The following CMYA5 variants were observed in gnomAD, a reference collection of about 807,000 sequenced individuals.
CMYA5 encodes the protein cardiomyopathy-associated protein 5.
In CMYA5, 246 loss-of-function variants were observed where a neutral mutation model predicts 318.9. The ratio of observed to expected loss-of-function variants is 0.77; its 90% CI spans 0.70 to 0.86. The LOEUF (loss-of-function observed/expected upper bound fraction) is 0.86, where lower values mean the gene tolerates loss of function less well. Among genes scored for constraint, CMYA5 ranks in the 40% least tolerant of loss-of-function variants. CMYA5 has a pLI of 0.00. For synonymous variants in CMYA5, 1,641 were observed against 1,729.5 expected (o/e 0.95, Z 1.27); for missense variants, 4,589 against 4,678.2 (o/e 0.98, Z 0.56).
rs781730738 is a variant in CMYA5 at position 79,730,639 on chromosome 5, C to G, written c.1874C>G (p.Ala625Gly). The G allele has an allele frequency of 6.2e-7, 1 of 1,613,916 alleles. No homozygotes were observed. Among genetic ancestry groups the G allele is most frequent in the Non-Finnish European group, 8.5e-7 (1 of 1,179,896 alleles). ...PVPPSNVEAI[A>G]EHAVLSEEEN... ...CCCCCATCCAATGTAGAAGCTATAG[C>G]TGAACATGCAGTTTTGTCAGAAGAA... The change falls in exon 2 of 13, where the codon GCT becomes GGT. Residue 625 changes from alanine to glycine, a missense_variant. Ala to Gly is a moderately conservative substitution (Grantham distance 60). Coordinates refer to ENST00000446378, the MANE Select transcript of CMYA5 (RefSeq NM_153610.5).
intron 12 of CMYA5, among the ~76,000 whole-genome samples, chr5:79,796,468 T>C (rs1372713747): frequency 6.6e-6 from 1 of 152,168 alleles, no homozygotes; most frequent in East Asian, 1.9e-4. Flanking sequence ...GGTGCAAACA[T>C]GGCTCCATGC....
rs780875875 is a variant in CMYA5, at chr5:79,736,370, G to A, written c.7605G>A (p.Lys2535=). ...CCAAAATCATTGTTGGTTCTGAAAA[G>A]GAGAAAGGTGAAGAAAAAGAAAATC... is the stretch of plus-strand genomic sequence containing the variant. The part of the protein sequence containing the change: ...ERPKIIVGSE[K]EKGEEKENQV... Residue 2535 remains lysine (K), a synonymous_variant, in exon 2 of 13, where the codon AAG becomes AAA. Coordinates refer to ENST00000446378, the MANE Select transcript of CMYA5 (RefSeq NM_153610.5). 4 of 1,613,008 alleles carry A rather than the reference G, an allele frequency of 2.5e-6. No individual in the cohort carries two copies. Among genetic ancestry groups the A allele is most frequent in the Non-Finnish European group, 3.4e-6 (4 of 1,179,558 alleles).
Position 79,747,055 on chromosome 5 carries a change from T to C in CMYA5, c.10969-36T>C, listed in dbSNP as rs575668673. The C allele has an allele frequency of 4.5e-5, 55 of 1,233,676 alleles. No individual in the cohort carries two copies. The African/African-American group carries it at 7.1e-4, about 16-fold the overall frequency. The allele number at this position is 1,233,676 out of a possible 1,614,324, so 76.4% of individuals were successfully genotyped here. The stretch of plus-strand genomic sequence containing the variant: ...CTCTCTTTCTCTCTCTCTTTTTCTC[T>C]CTTCTCCTCCTCCTTCCTCTCTCTT... On this transcript the variant is annotated intron_variant, in intron 4 of 12. Transcript: ENST00000446378.
chr5:79,788,997 A>G lies in CMYA5; in HGVS notation c.11582A>G (p.Gln3861Arg), dbSNP rs188337491. 91 of 1,613,872 alleles carry G rather than the reference A, an allele frequency of 5.6e-5. No homozygotes were observed. In the Admixed American group the frequency reaches 1.5e-3, roughly 27 times the overall value. The change falls in exon 10 of 13, where the codon CAG becomes CGG. Residue 3861 changes from glutamine (Q) to arginine (R), a missense_variant. By Grantham distance (43) the Gln-to-Arg change is conservative. Transcript: ENST00000446378. ...TCTTTCTCTGGAATCAAAGGACTCC[A>G]GCTGAAAGTTAACCTCCAACCCAAT... is the stretch of plus-strand genomic sequence containing the variant. ...LRSFSGIKGLQLKVNLQPNDN... is the reference protein window; with the variant it reads ...LRSFSGIKGLRLKVNLQPNDN...
intron 5 of CMYA5, among the ~76,000 whole-genome samples, chr5:79,749,796 G>A (rs1000242730): frequency 4.6e-5 from 7 of 152,134 alleles, no homozygotes; most frequent in African/African-American, 1.7e-4. Flanking sequence ...ATTAACTGTA[G>A]TAATACTGTA....
chr5:79,752,449 TAG>T (rs1828446960), intron 5 of CMYA5, among the ~76,000 whole-genome samples: 1 of 152,226 alleles, frequency 6.6e-6, no homozygotes, highest in Non-Finnish European at 1.5e-5. Flanking sequence ...TCTTTCTAAC[TAG>T]AGGATATAGG....
chr5:79,754,488 A>G (rs1394094177), intron 6 of CMYA5, among the ~76,000 whole-genome samples: 2 of 152,088 alleles, frequency 1.3e-5, no homozygotes, highest in African/African-American at 4.8e-5. Flanking sequence ...AAAATGTTCT[A>G]TTTTCAAGAA....
intron 9 of CMYA5, among the ~76,000 whole-genome samples, chr5:79,774,607 C>T (rs1828908137): frequency 6.6e-6 from 1 of 152,172 alleles, no homozygotes; most frequent in Non-Finnish European, 1.5e-5. Context: ...GAGTGAGTCT[C>T]CTGCTCCCTG....
intron 1 of CMYA5, among the ~76,000 whole-genome samples, chr5:79,694,653 A>G (rs1827032953): frequency 6.6e-6 from 1 of 152,246 alleles, no homozygotes; most frequent in South Asian, 2.1e-4. Context: ...AGTGACATTC[A>G]CATTTAACTA....
intron 1 of CMYA5, among the ~76,000 whole-genome samples, chr5:79,716,690 T>C (rs969078463): frequency 6.6e-6 from 1 of 152,214 alleles, no homozygotes; most frequent in African/African-American, 2.4e-5. Context: ...CAGGAAAATG[T>C]TGACAAACAA....
chr5:79,766,343 C>T (rs571302461), intron 9 of CMYA5, among the ~76,000 whole-genome samples: 11 of 152,294 alleles, frequency 7.2e-5, no homozygotes, highest in African/African-American at 1.4e-4. Flanking sequence ...CCTTGTGCTC[C>T]GACCTCCTTG....
chr5:79,713,260 C>T (rs2151078977), intron 1 of CMYA5, among the ~76,000 whole-genome samples: 1 of 152,126 alleles, frequency 6.6e-6, no homozygotes, highest in Middle Eastern at 3.4e-3. Flanking sequence ...ACTAAACATT[C>T]TCAGCACACA....
At position 79,700,155 on chromosome 5, in the gene CMYA5, A is replaced by G. The variant is rs1053020758; in HGVS notation, c.149+10099A>G. On this transcript the variant is annotated intron_variant, in intron 1 of 12. Transcript: ENST00000446378. ...GTTCATACTTGCTGCTCAACCTGCT[A>G]CAGTTTTCACTTGTCAATCTCATAA... 2.0e-5 allele frequency among the ~76,000 whole-genome samples: 3 copies of G among 152,230 alleles called. No homozygotes were observed. In the East Asian group the frequency reaches 5.8e-4, roughly 29 times the overall value.
Position 79,732,057 on chromosome 5 carries a change from AC to A in CMYA5, c.3293del (p.Thr1098LysfsTer22). 2 of 1,614,002 alleles carry A rather than the reference AC, an allele frequency of 1.2e-6. No individual in the cohort carries two copies. The highest frequency in any genetic ancestry group is 1.7e-6 in the Non-Finnish European group (2 of 1,179,878). On this transcript the variant is annotated frameshift_variant, in exon 2 of 13. Transcript: ENST00000446378. LOFTEE classifies it high-confidence loss of function. ...EKAEIKPEIP[T>X]TSTSVSEYLI... ...AGCAGAAATTAAGCCAGAGATTCCAACAACCTCAACATCTGTATCTGAATAT... is the reference window on the plus strand; with the variant it reads ...AGCAGAAATTAAGCCAGAGATTCCAAAACCTCAACATCTGTATCTGAATAT...
In CMYA5 at chr5:79,728,982, A is replaced by G. The variant is rs1827808236; in HGVS notation, c.217A>G (p.Met73Val). The change falls in exon 2 of 13, where the codon ATG becomes GTG. Residue 73 changes from methionine to valine, a missense_variant. By Grantham distance (21) the Met-to-Val change is conservative (BLOSUM62 1). Around this residue, in one of 3 missense-constraint regions of CMYA5, gnomAD observed 2,132 missense variants for 2,131.3 expected, o/e 1.00. Coordinates refer to ENST00000446378, the MANE Select transcript of CMYA5 (RefSeq NM_153610.5). ...EYIISDPSFS[M>V]VTVQREDSGI... is the part of the protein sequence containing the mutation. ...TATCATATCTGACCCCTCCTTTTCC[A>G]TGGTGACAGTCCAAAGGGAAGATAG... is the stretch of plus-strand genomic sequence containing the variant. 3 of 1,613,622 alleles carry G rather than the reference A, an allele frequency of 1.9e-6. No individual in the cohort carries two copies. Among genetic ancestry groups the G allele is most frequent in the Admixed American group, 1.7e-5 (1 of 59,996 alleles).
chr5:79,725,164 A>G (rs1200228281), intron 1 of CMYA5, among the ~76,000 whole-genome samples: 1 of 152,220 alleles, frequency 6.6e-6, no homozygotes, highest in Non-Finnish European at 1.5e-5. Flanking sequence ...AGGCATGTAC[A>G]CTTATGTTCA....
chr5:79,721,159 C>A (rs1280199561), intron 1 of CMYA5, among the ~76,000 whole-genome samples: 3 of 151,920 alleles, frequency 2.0e-5, no homozygotes, highest in Non-Finnish European at 4.4e-5. Context: ...TAGAATGTAG[C>A]TAACAAGCTA....
In CMYA5 at chr5:79,761,852, T is replaced by A; in HGVS notation, c.11302T>A (p.Cys3768Ser). Residue 3768 changes from cysteine (C) to serine (S), a missense_variant, in exon 8 of 13, where the codon TGC (cysteine) becomes AGC (serine). Around this residue, in one of 3 missense-constraint regions of CMYA5, gnomAD observed 2,431 missense variants for 2,495.1 expected, o/e 0.97. Transcript: ENST00000446378. Reference protein sequence around the residue: ...EYRLTVKESYCIFEDLEPDRC... With the variant: ...EYRLTVKESYSIFEDLEPDRC... ...CAGACTGACAGTGAAAGAAAGCTAC[T>A]GCATTTTTGAAGATCTGGAACCTGA... 1.2e-6 allele frequency: 2 copies of A among 1,613,708 alleles called. No homozygotes were observed. Among genetic ancestry groups the A allele is most frequent in the East Asian group, 4.5e-5 (2 of 44,878 alleles).
chr5:79,744,786 T>A (rs151047270), intron 3 of CMYA5, among the ~76,000 whole-genome samples: 245 of 152,310 alleles, frequency 1.6e-3, no homozygotes, highest in African/African-American at 5.5e-3. Context: ...TAACCTGCCA[T>A]CTCACTGGAG....
Sources: allele counts gnomAD v4.1 joint callset (sites outside exome capture counted in the v4.1 genomes callset), GRCh38; gene constraint gnomAD v4.1.1; regional missense constraint gnomAD v4.1.1; transcripts MANE v1.5; gene names NCBI Gene and HGNC (gene_info 2026-07-23, HGNC 2026-07-21).